Variants in SYNDIG1 observed in about 807,000 individuals in gnomAD.
SYNDIG1 encodes synapse differentiation-inducing gene protein 1.
In SYNDIG1, 9 loss-of-function variants were observed where a neutral mutation model predicts 19.4. That is an observed-to-expected ratio of 0.46 (90% CI 0.28 to 0.81). The LOEUF (loss-of-function observed/expected upper bound fraction) is 0.81. Among genes scored for constraint, SYNDIG1 ranks in the 30% least tolerant of loss-of-function variants. The pLI is 0.12. For synonymous variants in SYNDIG1, 141 were observed against 145.9 expected, an observed-to-expected ratio of 0.97 and a Z score of 0.24; for missense variants, 311 against 343.3, an observed-to-expected ratio of 0.91 and a Z score of 0.74.
intron 2 of SYNDIG1, among the ~76,000 whole-genome samples, chr20:24,573,397 G>A (rs951795930): frequency 1.3e-5 from 2 of 152,124 alleles, no homozygotes; most frequent in East Asian, 3.9e-4. Context: ...CCCCAGCTTT[G>A]CCTGTGCTGC....
chr20:24,614,329 A>G (rs1413529365), intron 3 of SYNDIG1, among the ~76,000 whole-genome samples: 1 of 152,214 alleles, frequency 6.6e-6, no homozygotes, highest in East Asian at 1.9e-4. Flanking sequence ...AATGTGCATG[A>G]TTAGACTTTT....
chr20:24,536,297 C>T (rs995421263), intron 1 of SYNDIG1, among the ~76,000 whole-genome samples: 9 of 152,136 alleles, frequency 5.9e-5, no homozygotes, highest in Admixed American at 1.3e-4. Context: ...TGGGTGTCAG[C>T]GCACTCAAAG....
intron 1 of SYNDIG1, among the ~76,000 whole-genome samples, chr20:24,479,685 C>T (rs2055741006): frequency 6.6e-6 from 1 of 152,222 alleles, no homozygotes; most frequent in African/African-American, 2.4e-5. Context: ...TCATCTCTTG[C>T]CAGATCATCT....
chr20:24,503,685 GC>G (rs1208631846), intron 1 of SYNDIG1, among the ~76,000 whole-genome samples: 2 of 150,810 alleles, frequency 1.3e-5, no homozygotes, highest in Non-Finnish European at 2.9e-5. Context: ...CATGATCTCA[GC>G]CCCCTGGCAC....
intron 3 of SYNDIG1, among the ~76,000 whole-genome samples, chr20:24,631,545 G>A (rs896025475): frequency 6.6e-6 from 1 of 152,182 alleles, no homozygotes; most frequent in Non-Finnish European, 1.5e-5. Context: ...TCATAAAAAG[G>A]TGAGATTTTT....
intron 1 of SYNDIG1, among the ~76,000 whole-genome samples, chr20:24,480,191 G>C (rs6083532): frequency 6.6e-6 from 1 of 152,176 alleles, no homozygotes; most frequent in African/African-American, 2.4e-5. Flanking sequence ...GCCCATCCCA[G>C]CACTGGTGTG....
chr20:24,546,204 G>A (rs557808775), intron 2 of SYNDIG1, among the ~76,000 whole-genome samples: 14 of 152,178 alleles, frequency 9.2e-5, no homozygotes, highest in South Asian at 2.1e-4. Context: ...TCCCTTCTTC[G>A]GTAATTAACA....
At chr20:24,602,293 A>ATG (rs1157720031) in intron 3 of SYNDIG1, among the ~76,000 whole-genome samples, 3 of 152,212 alleles carry the variant, frequency 2.0e-5, no homozygotes, top group African/African-American at 7.2e-5. Flanking sequence ...GAAGATGAAG[A>ATG]TGATGCCACC....
At chr20:24,619,102 G>A (rs974941953) in intron 3 of SYNDIG1, among the ~76,000 whole-genome samples, 2 of 152,166 alleles carry the variant, frequency 1.3e-5, no homozygotes, top group Admixed American at 1.3e-4. Context: ...TGCCAAAAGG[G>A]TTAAAGAAAA....
At chr20:24,597,531 C>A (rs1466269947) in intron 3 of SYNDIG1, among the ~76,000 whole-genome samples, 1 of 152,104 alleles carries the variant, frequency 6.6e-6, no homozygotes, top group Non-Finnish European at 1.5e-5. Context: ...GAATTCTGGT[C>A]ACTGTGTTTC....
chr20:24,525,490 G>C (rs774812264), intron 1 of SYNDIG1, among the ~76,000 whole-genome samples: 3 of 151,916 alleles, frequency 2.0e-5, no homozygotes, highest in Non-Finnish European at 4.4e-5. Context: ...CACGATGTGG[G>C]CCAGGCTGGT....
rs1241760236 is a variant in SYNDIG1 at position 24,599,538 on chromosome 20, G to GT, written c.618+14547dup. Among the ~76,000 whole-genome samples, 10 of 152,268 alleles carry GT rather than the reference G, an allele frequency of 6.6e-5. No individual in the cohort carries two copies. The East Asian group carries it at 1.9e-3, about 29-fold the overall frequency. The stretch of plus-strand genomic sequence containing the variant: ...TCAAATAAATACCTACACCCTCATA[G>GT]TTACTGAAGCATTGTTCACAATGGC... On this transcript the variant is annotated intron_variant, in intron 3 of 3. Coordinates refer to ENST00000376862, the MANE Select transcript of SYNDIG1 (RefSeq NM_024893.3).
intron 2 of SYNDIG1, among the ~76,000 whole-genome samples, chr20:24,578,810 C>A (rs1027287493): frequency 1.3e-5 from 2 of 152,166 alleles, no homozygotes; most frequent in Non-Finnish European, 2.9e-5. Flanking sequence ...CTGCTGTGAG[C>A]GCAAGGTCAG....
At chr20:24,505,948 CTAAGGGGAAAT>C (rs1435458715) in intron 1 of SYNDIG1, among the ~76,000 whole-genome samples, 1 of 152,184 alleles carries the variant, frequency 6.6e-6, no homozygotes, top group African/African-American at 2.4e-5. Context: ...AACAACACTG[CTAAGGGGAAAT>C]GGTTTCTTTG....
intron 1 of SYNDIG1, among the ~76,000 whole-genome samples, chr20:24,479,423 A>AC (rs2055732143): frequency 6.6e-6 from 1 of 151,910 alleles, no homozygotes; most frequent in Non-Finnish European, 1.5e-5. Context: ...TCCTGTCCCT[A>AC]CCCCTTACCC....
Position 24,471,956 on chromosome 20 carries a change from T to C in SYNDIG1, c.-79+2203T>C, listed in dbSNP as rs190570024. On this transcript the variant is annotated intron_variant, in intron 1 of 3. Coordinates refer to ENST00000376862, the MANE Select transcript of SYNDIG1 (RefSeq NM_024893.3). ...TTAATATCTGATAAAATAAACCAAT[T>C]CAGTAAAAATACAAAATCACTTTGA... Among the ~76,000 whole-genome samples, 12 of 152,226 alleles carry C rather than the reference T, an allele frequency of 7.9e-5. No homozygotes were observed. In the East Asian group the frequency reaches 2.3e-3, roughly 29 times the overall value.
At chr20:24,493,768 C>T (rs1343140806) in intron 1 of SYNDIG1, among the ~76,000 whole-genome samples, 1 of 152,158 alleles carries the variant, frequency 6.6e-6, no homozygotes, top group African/African-American at 2.4e-5. Flanking sequence ...AGCTTTACCC[C>T]CACCCTCAGG....
chr20:24,660,229 T>C (rs2059570834), intron 3 of SYNDIG1, among the ~76,000 whole-genome samples: 1 of 152,208 alleles, frequency 6.6e-6, no homozygotes, highest in African/African-American at 2.4e-5. Context: ...TAATTCTTAT[T>C]GGGTATTTAC....
At position 24,647,329 on chromosome 20, in the gene SYNDIG1, G is replaced by A. The variant is rs539027972; in HGVS notation, c.619-18017G>A. ...TCAGTGGCTTGAAACCTGTTTCCCT[G>A]GAGCTGACACAGGGCAGTGCATGCG... On this transcript the variant is annotated intron_variant, in intron 3 of 3. Coordinates refer to ENST00000376862, the MANE Select transcript of SYNDIG1 (RefSeq NM_024893.3). Among the ~76,000 whole-genome samples, 336 of 152,254 alleles carry A rather than the reference G, an allele frequency of 2.2e-3. 1 individual carries two copies. Among genetic ancestry groups the A allele is most frequent in the South Asian group, 4.1e-3 (20 of 4,824 alleles).
Sources: gnomAD v4.1 joint callset for allele counts (sites outside exome capture counted in the v4.1 genomes callset) on GRCh38, gnomAD v4.1.1 for gene constraint, MANE v1.5 for transcripts, NCBI Gene and HGNC (gene_info 2026-07-23, HGNC 2026-07-21) for gene names.